SHISA9: variants seen among roughly 807,000 people sequenced by gnomAD.
SHISA9 encodes protein shisa-9.
In SHISA9, 13 loss-of-function variants were observed where a neutral mutation model predicts 38.0. The observed-to-expected ratio is 0.34, with a 90% CI of 0.22 to 0.54. The LOEUF is 0.54. Ranked by LOEUF, SHISA9 falls within the 20% of genes least tolerant of loss-of-function variation. The probability of loss-of-function intolerance (pLI) is 0.91; values close to 1 mark genes in which losing one functional copy is unlikely to be tolerated. For missense variants in SHISA9, 538 were observed against 575.8 expected (o/e 0.93, Z 0.67); for synonymous variants, 275 against 242.0 (o/e 1.14, Z -1.27).
chr16:12,919,112 A>C (rs1357020946), intron 2 of SHISA9, among the ~76,000 whole-genome samples: 1 of 152,222 alleles, frequency 6.6e-6, no homozygotes, highest in Non-Finnish European at 1.5e-5. Context: ...GAATAGGATG[A>C]GATAACTGAT....
intron 2 of SHISA9, among the ~76,000 whole-genome samples, chr16:13,157,987 C>T (rs932393369): frequency 6.6e-6 from 1 of 152,148 alleles, no homozygotes; most frequent in African/African-American, 2.4e-5. Flanking sequence ...CTCAGTTAGT[C>T]TGAAACAAGT....
intron 1 of SHISA9, among the ~76,000 whole-genome samples, chr16:12,905,606 T>C (rs113612412): frequency 0.015 from 2,282 of 151,838 alleles, 26 homozygotes; most frequent in Non-Finnish European, 0.022. Context: ...TTTTTTTTTT[T>C]TTTGAGGCAG....
At chr16:12,916,011 GTTTTT>G (rs34050190) in intron 1 of SHISA9, among the ~76,000 whole-genome samples, 1 of 90,430 alleles carries the variant, frequency 1.1e-5, no homozygotes, top group Non-Finnish European at 2.1e-5. Context: ...GTGTGTGTGT[GTTTTT>G]TTTTTTTTTT....
intron 2 of SHISA9, among the ~76,000 whole-genome samples, chr16:12,924,255 T>C (rs779108559): frequency 1.1e-4 from 17 of 152,178 alleles, no homozygotes; most frequent in Admixed American, 6.5e-4. Context: ...TGAATCTTCC[T>C]TGGGGGTGGG....
chr16:13,524,871 C>T, the SHISA9 span, among the ~76,000 whole-genome samples: 1 of 152,076 alleles, frequency 6.6e-6, no homozygotes, highest in Non-Finnish European at 1.5e-5. Flanking sequence ...TGTCCTGTGC[C>T]TTTCCATATG....
At chr16:13,119,056 T>C (rs556989655) in intron 2 of SHISA9, among the ~76,000 whole-genome samples, 21 of 151,908 alleles carry the variant, frequency 1.4e-4, no homozygotes, top group African/African-American at 5.1e-4. Flanking sequence ...TTAGTAGAGA[T>C]GGAGTTTCAC....
chr16:13,533,703 C>T, the SHISA9 span, among the ~76,000 whole-genome samples: 7 of 152,116 alleles, frequency 4.6e-5, 1 homozygote, highest in Admixed American at 4.6e-4. Context: ...TTCAATTGTC[C>T]CCCATCTCTT....
At chr16:13,319,218 A>T in the SHISA9 span, among the ~76,000 whole-genome samples, 1 of 152,188 alleles carries the variant, frequency 6.6e-6, no homozygotes, top group Non-Finnish European at 1.5e-5. Context: ...CGTATTGGCC[A>T]GGCTGGTCTC....
the SHISA9 span, among the ~76,000 whole-genome samples, chr16:13,477,895 G>T: frequency 4.6e-5 from 7 of 152,298 alleles, no homozygotes; most frequent in East Asian, 1.4e-3. Context: ...AACCCGGGAG[G>T]TGGAGGTTGC....
the SHISA9 span, among the ~76,000 whole-genome samples, chr16:13,402,075 T>C: frequency 1.3e-5 from 2 of 152,180 alleles, no homozygotes; most frequent in Non-Finnish European, 2.9e-5. Flanking sequence ...GATTTGGGTG[T>C]GGGCACAGCC....
chr16:13,213,118 C>G, intron 3 of SHISA9, 135 bp from the exon 4 acceptor site: 1 of 691,950 alleles, frequency 1.4e-6, no homozygotes, highest in Non-Finnish European at 2.5e-6. Flanking sequence ...CTTCCCTGTT[C>G]CCTGGGTCCC....
At chr16:13,533,215 G>C in the SHISA9 span, among the ~76,000 whole-genome samples, 2 of 152,050 alleles carry the variant, frequency 1.3e-5, no homozygotes, top group Non-Finnish European at 2.9e-5. Flanking sequence ...TTTAGATTCA[G>C]AGTCAAGCAC....
intron 1 of SHISA9, among the ~76,000 whole-genome samples, chr16:12,915,009 G>A (rs1394182573): frequency 6.6e-6 from 1 of 152,206 alleles, no homozygotes; most frequent in East Asian, 1.9e-4. Context: ...TGCGTGGGTT[G>A]CCCCCAAACA....
intron 2 of SHISA9, among the ~76,000 whole-genome samples, chr16:13,174,861 C>A (rs1482824106): frequency 6.6e-6 from 1 of 152,136 alleles, no homozygotes; most frequent in African/African-American, 2.4e-5. Flanking sequence ...AGAAAGACTC[C>A]TTATGTGGGG....
the SHISA9 span, among the ~76,000 whole-genome samples, chr16:13,485,803 T>G: frequency 6.6e-6 from 1 of 152,208 alleles, no homozygotes; most frequent in Non-Finnish European, 1.5e-5. Flanking sequence ...CTGCCTTTTC[T>G]TCCCAGCCTC....
the SHISA9 span, among the ~76,000 whole-genome samples, chr16:13,446,516 T>G: frequency 2.6e-5 from 4 of 152,148 alleles, no homozygotes; most frequent in Non-Finnish European, 5.9e-5. Context: ...TGAATTGCTT[T>G]CAATTGCTGC....
chr16:13,439,514 A>C, the SHISA9 span, among the ~76,000 whole-genome samples: 1 of 152,168 alleles, frequency 6.6e-6, no homozygotes, highest in South Asian at 2.1e-4. Context: ...ATTGTACCCT[A>C]ATACATCTGG....
chr16:13,230,378 G>C (rs139823507), intron 4 of SHISA9, among the ~76,000 whole-genome samples: 4 of 152,316 alleles, frequency 2.6e-5, no homozygotes, highest in East Asian at 1.9e-4. Flanking sequence ...ATGTTCAAAG[G>C]GGGTAGGAGA....
chr16:13,446,702 C>T, the SHISA9 span, among the ~76,000 whole-genome samples: 12 of 152,060 alleles, frequency 7.9e-5, no homozygotes, highest in Admixed American at 3.3e-4. Context: ...CCATGCTGGG[C>T]GCGGTGGCTT....
Sources: allele counts gnomAD v4.1 joint callset (sites outside exome capture counted in the v4.1 genomes callset), GRCh38; gene constraint gnomAD v4.1.1; transcripts MANE v1.5; gene names NCBI Gene and HGNC (gene_info 2026-07-23, HGNC 2026-07-21).